The following RGL1 variants were observed in gnomAD, a reference collection of about 807,000 sequenced individuals.
The protein encoded by RGL1 is ral guanine nucleotide dissociation stimulator-like 1.
RGL1 carries 24 observed loss-of-function variants against 95.2 expected under a neutral mutation model. The ratio of observed to expected loss-of-function variants is 0.25; its 90% confidence interval spans 0.18 to 0.35. The LOEUF (loss-of-function observed/expected upper bound fraction) is 0.35. Among genes scored for constraint, RGL1 ranks in the 10% least tolerant of loss-of-function variants. The pLI, the probability that RGL1 is intolerant of heterozygous loss-of-function variation, is 1.00. For synonymous variants in RGL1, 329 were observed against 344.9 expected (o/e 0.95, Z 0.51); for missense variants, 715 against 936.3 (o/e 0.76, Z 3.08).
intron 1 of RGL1, among the ~76,000 whole-genome samples, chr1:183,706,710 G>A (rs1216670119): frequency 0.11 from 12 of 114 alleles, no homozygotes; most frequent in African/African-American, 0.17. Context: ...GTGGAGCTGC[G>A]GCCCCCGTGG....
chr1:183,787,046 A>G (rs1391503397), intron 2 of RGL1, among the ~76,000 whole-genome samples: 2 of 152,224 alleles, frequency 1.3e-5, no homozygotes, highest in East Asian at 3.8e-4. Context: ...TCTCAAACAA[A>G]CCATCCTAGC....
At chr1:183,888,049 A>G (rs931610369) in intron 7 of RGL1, among the ~76,000 whole-genome samples, 1 of 152,178 alleles carries the variant, frequency 6.6e-6, no homozygotes, top group Non-Finnish European at 1.5e-5. Flanking sequence ...TGAGATGTTC[A>G]ATACCATCTG....
Position 183,880,807 on chromosome 1 carries a change from A to T in RGL1, c.610+7A>T. On this transcript the variant is annotated splice_region_variant and intron_variant, in intron 5 of 17. Transcript: ENST00000360851. ...CAAGAAGTGGAAACTGACAGTGAGT[A>T]CTTGTTTGTTCCCAGGGAAAAGGCT... 3 of 1,612,654 alleles carry T rather than the reference A, an allele frequency of 1.9e-6. No individual in the cohort carries two copies. The highest frequency in any genetic ancestry group is 2.5e-6 in the Non-Finnish European group (3 of 1,179,022).
chr1:183,859,610 G>A (rs1166082468), intron 3 of RGL1, among the ~76,000 whole-genome samples: 1 of 152,176 alleles, frequency 6.6e-6, no homozygotes, highest in Non-Finnish European at 1.5e-5. Context: ...GTCCTTCACA[G>A]CAAAGGCCTA....
chr1:183,865,303 A>G (rs1363655237), intron 3 of RGL1, among the ~76,000 whole-genome samples: 2 of 152,172 alleles, frequency 1.3e-5, no homozygotes, highest in Non-Finnish European at 2.9e-5. Context: ...TTAAAATTTA[A>G]GCATCTATTG....
exon 1 of RGL1, chr1:183,636,201 TG>T (rs1366153794): frequency 2.5e-6 from 1 of 399,036 alleles, no homozygotes; most frequent in Non-Finnish European, 4.4e-6. Flanking sequence ...AAGGTCCGGC[TG>T]GCTGGGACTT....
intron 1 of RGL1, among the ~76,000 whole-genome samples, chr1:183,677,348 T>C (rs1363238485): frequency 6.6e-6 from 1 of 151,958 alleles, no homozygotes; most frequent in Non-Finnish European, 1.5e-5. Context: ...CCGCTGCCCA[T>C]TGCTATACCT....
At chr1:183,752,707 T>TCTCTCTCTCTCTCTCTCC (rs1337166963) in intron 2 of RGL1, among the ~76,000 whole-genome samples, 6 of 143,424 alleles carry the variant, frequency 4.2e-5, no homozygotes, top group African/African-American at 1.6e-4. Flanking sequence ...TCTCTCTCTT[T>TCTCTCTCTCTCTCTCTCC]CCCCTTTCCT....
intron 1 of RGL1, among the ~76,000 whole-genome samples, chr1:183,690,764 A>G (rs992828741): frequency 4.6e-5 from 7 of 152,104 alleles, no homozygotes; most frequent in African/African-American, 1.4e-4. Context: ...CAACCAGATC[A>G]TGTAAAAGTA....
chr1:183,841,725 T>G (rs1320378309), intron 2 of RGL1, among the ~76,000 whole-genome samples: 1 of 152,228 alleles, frequency 6.6e-6, no homozygotes, highest in East Asian at 1.9e-4. Flanking sequence ...GAGAGAATGA[T>G]GCAAATTTTG....
At chr1:183,813,815 T>G (rs1403031203) in intron 2 of RGL1, among the ~76,000 whole-genome samples, 1 of 152,174 alleles carries the variant, frequency 6.6e-6, no homozygotes, top group Non-Finnish European at 1.5e-5. Context: ...ACTCCTTGTA[T>G]AAAAGAAAAA....
chr1:183,656,722 T>A (rs1172952099), intron 1 of RGL1, among the ~76,000 whole-genome samples: 4 of 152,216 alleles, frequency 2.6e-5, no homozygotes, highest in Admixed American at 2.0e-4. Context: ...TAAATTTAAT[T>A]TGTCTAATGT....
At chr1:183,777,736 CAA>C (rs1435210283) in intron 2 of RGL1, among the ~76,000 whole-genome samples, 2 of 152,210 alleles carry the variant, frequency 1.3e-5, no homozygotes, top group Non-Finnish European at 2.9e-5. Flanking sequence ...CTAAGATTTT[CAA>C]AGACTCTAAG....
intron 1 of RGL1, among the ~76,000 whole-genome samples, chr1:183,668,397 T>C (rs1031753918): frequency 1.6e-4 from 25 of 152,106 alleles, no homozygotes; most frequent in Non-Finnish European, 7.3e-5. Context: ...GCATTGTTTT[T>C]GAGAAATCAT....
At chr1:183,764,083 T>C in intron 2 of RGL1, among the ~76,000 whole-genome samples, 1 of 152,198 alleles carries the variant, frequency 6.6e-6, no homozygotes, top group Non-Finnish European at 1.5e-5. Flanking sequence ...TGTGTTGAGA[T>C]ACAAAAATTA....
chr1:183,816,457 A>C (rs1340895310), intron 2 of RGL1, among the ~76,000 whole-genome samples: 1 of 152,162 alleles, frequency 6.6e-6, no homozygotes, highest in East Asian at 1.9e-4. Context: ...TGATTAGCTT[A>C]TACAGTGCCT....
chr1:183,666,371 G>T (rs912091955), intron 1 of RGL1, among the ~76,000 whole-genome samples: 3 of 151,840 alleles, frequency 2.0e-5, no homozygotes, highest in African/African-American at 7.3e-5. Flanking sequence ...TGCTTTTGCT[G>T]CATCCCCCAA....
At chr1:183,703,340 C>T (rs147732879) in intron 1 of RGL1, among the ~76,000 whole-genome samples, 2 of 152,246 alleles carry the variant, frequency 1.3e-5, no homozygotes, top group East Asian at 1.9e-4. Context: ...GCAGGAGCAT[C>T]GTCTGGATTG....
chr1:183,891,203 T>G (rs1667396932), intron 8 of RGL1, among the ~76,000 whole-genome samples: 1 of 152,194 alleles, frequency 6.6e-6, no homozygotes, highest in African/African-American at 2.4e-5. Context: ...AATAATGGTT[T>G]TTTTCATAAT....
Sources: gnomAD v4.1 joint callset for allele counts (sites outside exome capture counted in the v4.1 genomes callset) on GRCh38, gnomAD v4.1.1 for gene constraint, MANE v1.5 for transcripts, NCBI Gene and HGNC (gene_info 2026-07-23, HGNC 2026-07-21) for gene names.